PHLPP2: variants seen among roughly 807,000 people sequenced by gnomAD.
PHLPP2 encodes PH domain and leucine rich repeat protein phosphatase 2.
In PHLPP2, 66 loss-of-function variants were observed where a neutral mutation model predicts 124.9. The ratio of observed to expected loss-of-function variants is 0.53; its 90% CI spans 0.43 to 0.65. The LOEUF (loss-of-function observed/expected upper bound fraction) is 0.65. Ranked by LOEUF, PHLPP2 falls within the 30% of genes least tolerant of loss-of-function variation. The pLI, the probability that PHLPP2 is intolerant of heterozygous loss-of-function variation, is 0.00. For synonymous variants in PHLPP2, 681 were observed against 624.7 expected, an observed-to-expected ratio of 1.09 and a Z score of -1.34; for missense variants, 1,685 against 1,600.4, an observed-to-expected ratio of 1.05 and a Z score of -0.90.
chr16:71,668,596 T>C (rs2044862692), intron 11 of PHLPP2, among the ~76,000 whole-genome samples: 1 of 151,886 alleles, frequency 6.6e-6, no homozygotes, highest in South Asian at 2.1e-4. Flanking sequence ...GCCCCGTCTC[T>C]ACTAAAAATA....
intron 9 of PHLPP2, among the ~76,000 whole-genome samples, chr16:71,675,300 A>G (rs1021880208): frequency 6.6e-6 from 1 of 152,228 alleles, no homozygotes; most frequent in Admixed American, 6.5e-5. Flanking sequence ...TTTTTCTGAC[A>G]GTAAAATTTA....
intron 17 of PHLPP2, among the ~76,000 whole-genome samples, chr16:71,654,204 GAAAAA>G (rs765826548): frequency 6.9e-5 from 5 of 72,360 alleles, no homozygotes; most frequent in Non-Finnish European, 1.0e-4. Flanking sequence ...TCTCAAAAAA[GAAAAA>G]AAAAAAAAAA....
At position 71,664,213 on chromosome 16, in the gene PHLPP2, GAAAAA is replaced by G. The variant is rs539298017; in HGVS notation, c.1785-119_1785-115del. On this transcript the variant is annotated intron_variant, in intron 12 of 18. Coordinates refer to ENST00000568954, the MANE Select transcript of PHLPP2 (RefSeq NM_015020.3). The stretch of plus-strand genomic sequence containing the variant: ...GCTGCCATTCTAAGCTTCCAAATGG[GAAAAA>G]AAAAAAAATCTCCACGTAGTTTTTC... 24 of 590,446 alleles carry G rather than the reference GAAAAA, an allele frequency of 4.1e-5. No individual in the cohort carries two copies. In the Middle Eastern group the frequency reaches 2.8e-3, roughly 68 times the overall value. 36.6% of individuals were successfully genotyped at this position (590,446 alleles called of 1,614,324 possible). A position where few individuals can be genotyped will look rare whatever the true frequency, so the allele number is the denominator to read the frequency against.
Position 71,724,547 on chromosome 16 carries a change from A to C in PHLPP2, c.-225T>G, listed in dbSNP as rs1042836796. On this transcript the variant is annotated 5_prime_UTR_variant, in exon 1 of 19. Transcript: ENST00000568954. ...TATTTGCAAGGCTGATTCAGAAAAA[A>C]ACTTTTAAAAGTTAACTTCTTTTCT... 6.6e-6 allele frequency: 1 copy of C among 152,234 alleles called. No individual in the cohort carries two copies. The highest frequency in any genetic ancestry group is 1.5e-5 in the Non-Finnish European group (1 of 68,054). 9.4% of individuals were successfully genotyped at this position (152,234 alleles called of 1,614,324 possible).
intron 4 of PHLPP2, among the ~76,000 whole-genome samples, chr16:71,687,775 C>T (rs1597005466): frequency 6.6e-6 from 1 of 152,190 alleles, no homozygotes; most frequent in Non-Finnish European, 1.5e-5. Flanking sequence ...ATTTTGTCTT[C>T]ACTTCTAGAA....
chr16:71,667,605 A>G (rs2044850655), intron 11 of PHLPP2, among the ~76,000 whole-genome samples: 1 of 152,244 alleles, frequency 6.6e-6, no homozygotes, highest in African/African-American at 2.4e-5. Flanking sequence ...GGCAATTTCT[A>G]GAATAAATCA....
intron 3 of PHLPP2, among the ~76,000 whole-genome samples, chr16:71,692,675 T>G (rs934088017): frequency 1.3e-5 from 2 of 152,126 alleles, no homozygotes; most frequent in African/African-American, 4.8e-5. Flanking sequence ...AATCCACAGA[T>G]GCTATAGTCT....
Position 71,684,493 on chromosome 16 carries a change from G to T in PHLPP2, c.718C>A (p.Gln240Lys). 1 of 1,613,846 alleles carries T rather than the reference G, an allele frequency of 6.2e-7. No individual in the cohort carries two copies. ...CTTTTCACCTTGGATGCTTGCCGTT[G>T]CCATCGCTGGTACTCGGCCAAAGTC... ...FETLAEYQRW[Q>K]RQASKVVSQR... Residue 240 changes from glutamine to lysine, a missense_variant, in exon 5 of 19, where the codon CAA becomes AAA. Physicochemically the swap from Gln to Lys is moderately conservative, Grantham distance 53. Transcript: ENST00000568954.
intron 1 of PHLPP2, among the ~76,000 whole-genome samples, chr16:71,717,184 T>G (rs893393851): frequency 6.6e-6 from 1 of 152,156 alleles, no homozygotes; most frequent in Non-Finnish European, 1.5e-5. Flanking sequence ...GTATTCCTCA[T>G]TGGAAAATAG....
intron 1 of PHLPP2, chr16:71,723,792 G>A: frequency 2.3e-6 from 3 of 1,314,922 alleles, no homozygotes; most frequent in South Asian, 1.7e-5. Context: ...ATCCCTCCCG[G>A]CCGGCGGCTC....
intron 8 of PHLPP2, 107 bp downstream of exon 8, chr16:71,678,648 A>T (rs2044969102): frequency 5.8e-6 from 4 of 693,432 alleles, no homozygotes; most frequent in Non-Finnish European, 1.0e-5. Context: ...TCAAAACAAC[A>T]ACAAAATTTT....
In PHLPP2 at chr16:71,714,389, G is replaced by A. The variant is rs1033305035; in HGVS notation, c.284+123C>T. 7 of 1,273,372 alleles carry A rather than the reference G, an allele frequency of 5.5e-6. No individual in the cohort carries two copies. The East Asian group carries it at 7.9e-5, about 14-fold the overall frequency. The allele number at this position is 1,273,372 out of a possible 1,614,324, so 78.9% of individuals were successfully genotyped here. A position where few individuals can be genotyped will look rare whatever the true frequency, so the allele number is the denominator to read the frequency against. On this transcript the variant is annotated intron_variant, in intron 2 of 18. Transcript: ENST00000568954. ...CAGCCTTCCAAGGACAAATCTTGAA[G>A]CCCAGTGAGTCCGTAATCAACATCA... is the stretch of plus-strand genomic sequence containing the variant.
intron 10 of PHLPP2, 27 bp from the exon 11 acceptor site, chr16:71,669,397 A>G: frequency 4.8e-6 from 7 of 1,468,866 alleles, no homozygotes; most frequent in Non-Finnish European, 6.6e-6. Context: ...ATTAAATGGC[A>G]CCATTTAAGA....
chr16:71,679,631 T>G, intron 6 of PHLPP2, 96 bp from the exon 7 acceptor site: 3 of 995,764 alleles, frequency 3.0e-6, no homozygotes, highest in Non-Finnish European at 4.5e-6. Context: ...CTATTTTAAA[T>G]GTCTATAATA....
At chr16:71,683,511 G>C (rs1051718970) in intron 5 of PHLPP2, among the ~76,000 whole-genome samples, 2 of 152,140 alleles carry the variant, frequency 1.3e-5, no homozygotes, top group African/African-American at 4.8e-5. Flanking sequence ...TGACTATTAC[G>C]GTTGAGGGAA....
chr16:71,713,972 T>C (rs1172506427), intron 2 of PHLPP2, among the ~76,000 whole-genome samples: 1 of 150,292 alleles, frequency 6.7e-6, no homozygotes, highest in African/African-American at 2.4e-5. Flanking sequence ...GACAGTGTCT[T>C]GCTGTCACCC....
chr16:71,672,443 T>A (rs2044903374), intron 9 of PHLPP2, 121 bp from the exon 10 acceptor site: 1 of 722,654 alleles, frequency 1.4e-6, no homozygotes, highest in African/African-American at 1.8e-5. Flanking sequence ...TCTACCAAGA[T>A]GAGCTAAAGA....
intron 1 of PHLPP2, chr16:71,715,050 C>T (rs139663675): frequency 3.8e-5 from 19 of 501,544 alleles, no homozygotes; most frequent in Non-Finnish European, 6.0e-5. Flanking sequence ...TTTTCAGAAA[C>T]GTGTCAAGAA....
At position 71,652,907 on chromosome 16, in the gene PHLPP2, C is replaced by A; in HGVS notation, c.2700G>T (p.Thr900=). The A allele has an allele frequency of 6.2e-7, 1 of 1,613,932 alleles. No individual in the cohort carries two copies. The highest frequency in any genetic ancestry group is 1.3e-5 in the African/African-American group (1 of 75,056). ...CACCTCGGCACAGGACTGCTTGGCA[C>A]GTGCCAACATTGGCTACAGTCAAGC... ...SFSLTVANVG[T]CQAVLCRGGK... is the part of the protein sequence containing the mutation. Residue 900 remains threonine (T), a synonymous_variant, in exon 18 of 19, where the codon ACG becomes ACT. Transcript: ENST00000568954.
Sources: gnomAD v4.1 joint callset for allele counts (sites outside exome capture counted in the v4.1 genomes callset) on GRCh38, gnomAD v4.1.1 for gene constraint, MANE v1.5 for transcripts, NCBI Gene and HGNC (gene_info 2026-07-23, HGNC 2026-07-21) for gene names.